Variants in EPM2A observed in about 807,000 individuals in gnomAD.
EPM2A encodes the protein EPM2A glucan phosphatase, laforin.
In EPM2A, 21 loss-of-function variants were observed where a neutral mutation model predicts 26.5. The ratio of observed to expected loss-of-function variants is 0.79; its 90% CI spans 0.56 to 1.14. The LOEUF (loss-of-function observed/expected upper bound fraction) is 1.14. Among genes scored for constraint, EPM2A ranks in the 50% most tolerant of loss-of-function variants. The pLI, the probability that EPM2A is intolerant of heterozygous loss-of-function variation, is 0.00. For synonymous variants in EPM2A, 217 were observed against 177.6 expected (o/e 1.22, Z -1.76); for missense variants, 458 against 440.8 (o/e 1.04, Z -0.35).
intron 1 of EPM2A, among the ~76,000 whole-genome samples, chr6:145,726,264 G>T (rs1366975159): frequency 6.6e-6 from 1 of 152,020 alleles, no homozygotes; most frequent in Non-Finnish European, 1.5e-5. Context: ...AAATAAAGTA[G>T]TAAGATATTT....
At chr6:145,407,072 C>G (rs147738130) in intron 4 of EPM2A, among the ~76,000 whole-genome samples, 6 of 152,152 alleles carry the variant, frequency 3.9e-5, no homozygotes, top group African/African-American at 1.4e-4. Context: ...GCTGACCGTG[C>G]GATCCCCAGC....
intron 4 of EPM2A, among the ~76,000 whole-genome samples, chr6:145,473,111 G>T (rs1402255363): frequency 6.6e-6 from 1 of 151,828 alleles, no homozygotes; most frequent in African/African-American, 2.4e-5. Flanking sequence ...TTTAAACAGA[G>T]AATTCAAAGT....
chr6:145,435,922 G>T (rs1445116797), intron 4 of EPM2A, among the ~76,000 whole-genome samples: 4 of 152,038 alleles, frequency 2.6e-5, no homozygotes, highest in East Asian at 3.9e-4. Flanking sequence ...GTCTTTTTAC[G>T]ACTGATTACC....
intron 4 of EPM2A, among the ~76,000 whole-genome samples, chr6:145,453,318 G>C (rs185783136): frequency 6.6e-6 from 1 of 152,084 alleles, no homozygotes; most frequent in Non-Finnish European, 1.5e-5. Flanking sequence ...GGAGGTGGGG[G>C]GAAAAAAGAT....
intron 2 of EPM2A, among the ~76,000 whole-genome samples, chr6:145,665,988 T>A (rs1280508103): frequency 6.9e-6 from 1 of 145,704 alleles, no homozygotes; most frequent in Non-Finnish European, 1.5e-5. Flanking sequence ...AAACTCTCAA[T>A]AAATTAGGTA....
intron 1 of EPM2A, among the ~76,000 whole-genome samples, chr6:145,714,253 C>T (rs1215821881): frequency 6.6e-6 from 1 of 152,278 alleles, no homozygotes; most frequent in East Asian, 1.9e-4. Context: ...ATGCTCAAGT[C>T]CCAGATATAA....
chr6:145,389,615 G>A (rs770406026), intron 4 of EPM2A, among the ~76,000 whole-genome samples: 2 of 152,202 alleles, frequency 1.3e-5, no homozygotes, highest in African/African-American at 4.8e-5. Flanking sequence ...TACTGCAAGT[G>A]CCTAGAAACA....
At chr6:145,696,803 G>GTGTGTT (rs1368873512) in intron 1 of EPM2A, among the ~76,000 whole-genome samples, 141 of 151,202 alleles carry the variant, frequency 9.3e-4, no homozygotes, top group Admixed American at 7.2e-3. Context: ...GTGTGTGTGT[G>GTGTGTT]TGTGTGTGTG....
intron 2 of EPM2A, among the ~76,000 whole-genome samples, chr6:145,613,269 C>T (rs1775431303): frequency 6.6e-6 from 1 of 152,194 alleles, no homozygotes; most frequent in Non-Finnish European, 1.5e-5. Flanking sequence ...TTCAGCTATT[C>T]AGTCACATCT....
At chr6:145,427,011 C>A (rs1778861885) in intron 4 of EPM2A, among the ~76,000 whole-genome samples, 1 of 152,104 alleles carries the variant, frequency 6.6e-6, no homozygotes, top group Non-Finnish European at 1.5e-5. Context: ...GGGGAAAGAA[C>A]ATTTTTCTTT....
intron 2 of EPM2A, among the ~76,000 whole-genome samples, chr6:145,583,749 G>A (rs1009234044): frequency 6.6e-6 from 1 of 152,258 alleles, no homozygotes; most frequent in African/African-American, 2.4e-5. Context: ...ATTCACAGTG[G>A]TGATGGAATG....
chr6:145,702,449 T>A (rs1781968183), intron 1 of EPM2A, among the ~76,000 whole-genome samples: 1 of 151,784 alleles, frequency 6.6e-6, no homozygotes, highest in African/African-American at 2.4e-5. Context: ...AAGCAAACTG[T>A]GTCTGTTTTC....
intron 4 of EPM2A, among the ~76,000 whole-genome samples, chr6:145,462,443 A>G (rs1779338292): frequency 6.6e-6 from 1 of 152,230 alleles, no homozygotes; most frequent in Admixed American, 6.5e-5. Context: ...CACAGGGAAT[A>G]TCCTTTCATC....
At chr6:145,662,094 T>C (rs1778759928) in intron 2 of EPM2A, among the ~76,000 whole-genome samples, 1 of 152,196 alleles carries the variant, frequency 6.6e-6, no homozygotes. Flanking sequence ...CCACCTACTG[T>C]CACAGAATAG....
Position 145,627,527 on chromosome 6 carries a change from G to A in EPM2A, c.885C>T (p.Phe295=). The A allele has an allele frequency of 6.2e-7, 1 of 1,614,260 alleles. No individual in the cohort carries two copies. Among genetic ancestry groups the A allele is most frequent in the Non-Finnish European group, 8.5e-7 (1 of 1,180,042 alleles). ...AGACAGCCGGCCTCTTGGCCATGAG[G>A]AAATACTGCACCTTCCTCAGATTCC... ...MGWNLRKVQY[F]LMAKRPAVYI... is the part of the protein sequence containing the mutation. The change falls in exon 4 of 4, where the codon TTC becomes TTT. Residue 295 remains phenylalanine (F), a synonymous_variant. Coordinates refer to ENST00000367519, the MANE Select transcript of EPM2A (RefSeq NM_005670.4).
At chr6:145,465,146 C>T (rs1779372184) in intron 4 of EPM2A, among the ~76,000 whole-genome samples, 1 of 151,862 alleles carries the variant, frequency 6.6e-6, no homozygotes, top group African/African-American at 2.4e-5. Context: ...TCACATAGTC[C>T]CATATTTCTT....
rs775860253 is a variant in EPM2A, at chr6:145,732,409, CACATATATAT to C, written c.301+2779_301+2788del. Among the ~76,000 whole-genome samples, 9 of 144,342 alleles carry C rather than the reference CACATATATAT, an allele frequency of 6.2e-5. No homozygotes were observed. The South Asian group carries it at 6.6e-4, about 11-fold the overall frequency. 94.7% of individuals were successfully genotyped at this position (144,342 alleles called of 152,430 possible). ...GATACATATATCAGAAACACACACA[CACATATATAT>C]ATATATATATATATCAGAAAGCCAT... On this transcript the variant is annotated intron_variant, in intron 1 of 3. Coordinates refer to ENST00000367519, the MANE Select transcript of EPM2A (RefSeq NM_005670.4).
upstream of EPM2A, chr6:145,735,610 C>T: frequency 1.8e-6 from 2 of 1,081,180 alleles, no homozygotes; most frequent in Non-Finnish European, 2.2e-6. Flanking sequence ...GCCCCGGGCA[C>T]CGGGGAGAAC....
At chr6:145,575,648 A>G (rs1176109692) in intron 2 of EPM2A, among the ~76,000 whole-genome samples, 2 of 152,200 alleles carry the variant, frequency 1.3e-5, no homozygotes, top group African/African-American at 4.8e-5. Flanking sequence ...GGTATTATGT[A>G]TAGAGTCACT....
Sources: gnomAD v4.1 joint callset for allele counts (sites outside exome capture counted in the v4.1 genomes callset) on GRCh38, gnomAD v4.1.1 for gene constraint, MANE v1.5 for transcripts, NCBI Gene and HGNC (gene_info 2026-07-23, HGNC 2026-07-21) for gene names.